HDAC9: variants seen among roughly 807,000 people sequenced by gnomAD.
HDAC9 encodes MEF-2 interacting transcription repressor (MITR) protein.
A neutral mutation model predicts 139.4 loss-of-function variants in HDAC9; 41 were observed. That is an observed-to-expected ratio of 0.29 (90% CI 0.23 to 0.38). HDAC9 has a LOEUF of 0.38. Among genes scored for constraint, HDAC9 ranks in the 10% least tolerant of loss-of-function variants. The pLI, the probability that HDAC9 is intolerant of heterozygous loss-of-function variation, is 1.00. For synonymous variants in HDAC9, 517 were observed against 476.2 expected, an observed-to-expected ratio of 1.09 and a Z score of -1.12; for missense variants, 1,147 against 1,297.0, an observed-to-expected ratio of 0.88 and a Z score of 1.78.
chr7:18,163,808 A>T (rs1216008122), intron 2 of HDAC9, among the ~76,000 whole-genome samples: 1 of 152,136 alleles, frequency 6.6e-6, no homozygotes, highest in African/African-American at 2.4e-5. Flanking sequence ...TCAAAATTGG[A>T]TTGTTTAAAA....
chr7:18,422,739 C>T (rs1789741648), intron 1 of HDAC9, among the ~76,000 whole-genome samples: 2 of 18,848 alleles, frequency 1.1e-4, no homozygotes, highest in Admixed American at 1.1e-3. Context: ...AAGACACACA[C>T]ACGCGCACAC....
intron 1 of HDAC9, among the ~76,000 whole-genome samples, chr7:18,351,406 T>A (rs919491858): frequency 2.6e-5 from 4 of 152,166 alleles, no homozygotes; most frequent in African/African-American, 9.6e-5. Context: ...GTTTTAATAT[T>A]TTTTAAGTTT....
chr7:18,106,305 C>T (rs1228307649), intron 1 of HDAC9, among the ~76,000 whole-genome samples: 1 of 152,150 alleles, frequency 6.6e-6, no homozygotes, highest in Non-Finnish European at 1.5e-5. Context: ...CATGATCTGA[C>T]CTTTGCTGGT....
intron 2 of HDAC9, among the ~76,000 whole-genome samples, chr7:18,170,147 C>G (rs1302228371): frequency 6.6e-6 from 1 of 152,186 alleles, no homozygotes; most frequent in Non-Finnish European, 1.5e-5. Flanking sequence ...TTAATGATTG[C>G]CATTCTAACT....
chr7:18,974,425 G>T (rs556672505), intron 24 of HDAC9, among the ~76,000 whole-genome samples: 28 of 152,244 alleles, frequency 1.8e-4, no homozygotes, highest in Admixed American at 1.6e-3. Flanking sequence ...AACTAACAGG[G>T]CTGTCTCAAC....
At chr7:18,916,672 A>G (rs924439979) in intron 22 of HDAC9, among the ~76,000 whole-genome samples, 1 of 152,012 alleles carries the variant, frequency 6.6e-6, no homozygotes, top group Admixed American at 6.6e-5. Context: ...TTTGGATTTA[A>G]GTGCAGCATT....
intron 22 of HDAC9, among the ~76,000 whole-genome samples, chr7:18,898,661 A>G (rs915950249): frequency 6.6e-6 from 1 of 151,916 alleles, no homozygotes; most frequent in Non-Finnish European, 1.5e-5. Context: ...TTACTTATCT[A>G]TCCATTGATC....
intron 12 of HDAC9, among the ~76,000 whole-genome samples, chr7:18,716,721 G>A (rs1321879156): frequency 6.6e-6 from 1 of 152,084 alleles, no homozygotes; most frequent in Non-Finnish European, 1.5e-5. Context: ...CTTCACATAG[G>A]TCAATGCCAA....
chr7:18,721,184 T>C (rs1400757438), intron 12 of HDAC9, among the ~76,000 whole-genome samples: 3 of 152,232 alleles, frequency 2.0e-5, no homozygotes, highest in South Asian at 4.1e-4. Context: ...GTATAAATAT[T>C]ACAACAATGA....
intron 2 of HDAC9, among the ~76,000 whole-genome samples, chr7:18,179,251 T>G (rs1394103782): frequency 6.6e-6 from 1 of 152,218 alleles, no homozygotes; most frequent in Non-Finnish European, 1.5e-5. Context: ...GATGCAATAG[T>G]CCAGCCTCCT....
At chr7:18,758,694 C>A (rs918891644) in intron 14 of HDAC9, among the ~76,000 whole-genome samples, 2 of 152,096 alleles carry the variant, frequency 1.3e-5, no homozygotes, top group Admixed American at 1.3e-4. Flanking sequence ...TCAGAATTTT[C>A]AGCTTAATCA....
At chr7:18,835,846 T>A (rs1796200243) in intron 20 of HDAC9, 54 bp from the exon 21 acceptor site, 2 of 1,243,606 alleles carry the variant, frequency 1.6e-6, no homozygotes, top group African/African-American at 1.5e-5. Context: ...CTCTTCTTGC[T>A]TTCTTCCATT....
chr7:18,301,769 C>T (rs1016769414), intron 1 of HDAC9, among the ~76,000 whole-genome samples: 1 of 152,140 alleles, frequency 6.6e-6, no homozygotes, highest in Non-Finnish European at 1.5e-5. Context: ...TCCCACCAGA[C>T]ACTCATGTTT....
At chr7:18,299,045 T>C (rs1330526730) in intron 1 of HDAC9, among the ~76,000 whole-genome samples, 3 of 152,126 alleles carry the variant, frequency 2.0e-5, no homozygotes, top group African/African-American at 7.2e-5. Context: ...AATAAAGATA[T>C]TTATATAATA....
intron 1 of HDAC9, among the ~76,000 whole-genome samples, chr7:18,445,684 C>T (rs1792224939): frequency 6.6e-6 from 1 of 152,140 alleles, no homozygotes; most frequent in Non-Finnish European, 1.5e-5. Flanking sequence ...TCCCAAATGC[C>T]CCGAGGCAGA....
At chr7:18,331,505 G>T (rs603173) in intron 1 of HDAC9, among the ~76,000 whole-genome samples, 24,659 of 151,386 alleles carry the variant, frequency 0.16, 2,211 homozygotes, top group East Asian at 0.27. Flanking sequence ...GTAACTTTTT[G>T]ACCCTGTAGT....
chr7:18,246,060 G>A (rs1794501294), intron 2 of HDAC9, among the ~76,000 whole-genome samples: 1 of 150,192 alleles, frequency 6.7e-6, no homozygotes, highest in Non-Finnish European at 1.5e-5. Flanking sequence ...TTGCCTTCAT[G>A]GAGCTTTCAT....
At chr7:18,755,653 T>A (rs1315204531) in intron 14 of HDAC9, among the ~76,000 whole-genome samples, 1 of 152,126 alleles carries the variant, frequency 6.6e-6, no homozygotes, top group East Asian at 1.9e-4. Context: ...GGGATAACAT[T>A]TTTTTCTTGC....
intron 2 of HDAC9, among the ~76,000 whole-genome samples, chr7:18,545,173 G>A (rs77603158): frequency 2.6e-5 from 4 of 152,262 alleles, no homozygotes; most frequent in African/African-American, 4.8e-5. Flanking sequence ...TAGGAGTGCC[G>A]TAGGACATTT....
Sources: allele counts gnomAD v4.1 joint callset (sites outside exome capture counted in the v4.1 genomes callset), GRCh38; gene constraint gnomAD v4.1.1; transcripts MANE v1.5; gene names NCBI Gene and HGNC (gene_info 2026-07-23, HGNC 2026-07-21).